The following ASAP1 variants were observed in gnomAD, a reference collection of about 807,000 sequenced individuals.
The protein encoded by ASAP1 is arf-GAP with SH3 domain, ANK repeat and PH domain-containing protein 1.
Under a neutral mutation model 145.2 loss-of-function variants are expected in ASAP1, and 43 were observed. The ratio of observed to expected loss-of-function variants is 0.30; its 90% CI spans 0.23 to 0.38. The LOEUF is 0.38. Among genes scored for constraint, ASAP1 ranks in the 10% least tolerant of loss-of-function variants. The pLI is 1.00. For synonymous variants in ASAP1, 546 were observed against 515.5 expected (o/e 1.06, Z -0.80); for missense variants, 1,018 against 1,355.3 (o/e 0.75, Z 3.91).
rs1481642719 is a variant in ASAP1, at chr8:130,052,124, T to C, written c.*2607A>G. 1.3e-5 allele frequency: 2 copies of C among 152,790 alleles called. No homozygotes were observed. Among genetic ancestry groups the C allele is most frequent in the African/African-American group, 4.8e-5 (2 of 41,586 alleles). The allele number at this position is 152,790 out of a possible 1,614,324, so 9.5% of individuals were successfully genotyped here. ...AGAAGTTTGGGATCAACTGAGAATATGTTTATTTAAAAGCAATTTTAAATA... is the reference window on the plus strand; with the variant it reads ...AGAAGTTTGGGATCAACTGAGAATACGTTTATTTAAAAGCAATTTTAAATA... On this transcript the variant is annotated 3_prime_UTR_variant, in exon 30 of 30. Transcript: ENST00000518721.
At chr8:130,320,393 A>C (rs1002758954) in intron 3 of ASAP1, among the ~76,000 whole-genome samples, 87 of 152,062 alleles carry the variant, frequency 5.7e-4, no homozygotes, top group Admixed American at 4.3e-3. Flanking sequence ...CCATCTCTAT[A>C]AAAAATACAA....
At chr8:130,295,963 A>G (rs1340695418) in intron 3 of ASAP1, among the ~76,000 whole-genome samples, 1 of 152,216 alleles carries the variant, frequency 6.6e-6, no homozygotes, top group Non-Finnish European at 1.5e-5. Context: ...CCTTCCTTTT[A>G]GCACCCAGAA....
chr8:130,297,375 C>T (rs1822350019), intron 3 of ASAP1, among the ~76,000 whole-genome samples: 1 of 152,202 alleles, frequency 6.6e-6, no homozygotes, highest in African/African-American at 2.4e-5. Context: ...TTTCAATCCA[C>T]GTTTGGCTGA....
chr8:130,414,212 T>C (rs11778323), intron 1 of ASAP1, among the ~76,000 whole-genome samples: 36,381 of 152,038 alleles, frequency 0.24, 5,320 homozygotes, highest in Non-Finnish European at 0.32. Flanking sequence ...AGACCTTTCA[T>C]TGGACGAATG....
At chr8:130,284,669 C>T (rs1271543019) in intron 3 of ASAP1, among the ~76,000 whole-genome samples, 1 of 152,010 alleles carries the variant, frequency 6.6e-6, no homozygotes, top group Non-Finnish European at 1.5e-5. Context: ...GATGCAGCCA[C>T]TGGGAGGGAG....
At chr8:130,298,245 A>C (rs1026107022) in intron 3 of ASAP1, among the ~76,000 whole-genome samples, 16 of 152,350 alleles carry the variant, frequency 1.1e-4, no homozygotes, top group South Asian at 4.1e-4. Context: ...CCATATCCAC[A>C]AACATGCTTT....
intron 3 of ASAP1, among the ~76,000 whole-genome samples, chr8:130,355,634 A>C (rs547116819): frequency 6.6e-6 from 1 of 152,294 alleles, no homozygotes. Context: ...TCTTATATTG[A>C]GTGTGGTAAT....
In ASAP1 at chr8:130,060,628, G is replaced by T; in HGVS notation, c.3143C>A (p.Thr1048Lys). The T allele has an allele frequency of 6.2e-7, 1 of 1,614,118 alleles. No individual in the cohort carries two copies. Among genetic ancestry groups the T allele is most frequent in the Non-Finnish European group, 8.5e-7 (1 of 1,179,994 alleles). ...TACGGGCGTCTCTGGCAGAGTAGGC[G>T]TGAGGTCGTTGGAGTCTTCAGATGC... ...KQASEDSNDL[T>K]PTLPETPVPL... Residue 1048 changes from threonine to lysine, a missense_variant, in exon 28 of 30, where the codon ACG becomes AAG. Around this residue, in one of 9 missense-constraint regions of ASAP1, gnomAD observed 139 missense variants for 131.0 expected, o/e 1.06. Coordinates refer to ENST00000518721, the MANE Select transcript of ASAP1 (RefSeq NM_018482.4).
intron 3 of ASAP1, among the ~76,000 whole-genome samples, chr8:130,316,405 C>A: frequency 6.6e-6 from 1 of 152,218 alleles, no homozygotes; most frequent in East Asian, 1.9e-4. Context: ...GTGACAGACA[C>A]TGCTGATGTG....
intron 7 of ASAP1, among the ~76,000 whole-genome samples, chr8:130,184,022 G>C (rs1390562892): frequency 1.3e-5 from 2 of 152,084 alleles, no homozygotes; most frequent in East Asian, 3.8e-4. Flanking sequence ...ATTATTGACA[G>C]GTGTCTGACA....
chr8:130,199,191 T>C (rs954280623), intron 5 of ASAP1, among the ~76,000 whole-genome samples: 4 of 152,234 alleles, frequency 2.6e-5, no homozygotes, highest in African/African-American at 9.6e-5. Context: ...CTTTACTGTC[T>C]AGAGCAAAGC....
chr8:130,380,501 A>T (rs74495335), intron 2 of ASAP1, among the ~76,000 whole-genome samples: 72 of 152,174 alleles, frequency 4.7e-4, no homozygotes, highest in Non-Finnish European at 8.5e-4. Flanking sequence ...ACCCAGGGGG[A>T]GCACCAATGT....
At position 130,244,579 on chromosome 8, in the gene ASAP1, C is replaced by G. The variant is rs1248267616; in HGVS notation, c.187-7585G>C. Among the ~76,000 whole-genome samples the G allele has an allele frequency of 3.3e-5, 5 of 152,242 alleles. No homozygotes were observed. The East Asian group carries it at 9.7e-4, about 29-fold the overall frequency. On this transcript the variant is annotated intron_variant, in intron 3 of 29. Transcript: ENST00000518721. The stretch of plus-strand genomic sequence containing the variant: ...TAGAATTATCTTTCTATGCACTCAT[C>G]CACCCAGCAAACATTTACTAAGCAA...
chr8:130,297,141 A>G (rs561542315), intron 3 of ASAP1, among the ~76,000 whole-genome samples: 17 of 152,338 alleles, frequency 1.1e-4, no homozygotes, highest in African/African-American at 4.1e-4. Context: ...CATAGTTACC[A>G]TCAACTATGG....
At chr8:130,154,747 G>A (rs1024459939) in intron 12 of ASAP1, among the ~76,000 whole-genome samples, 4 of 152,168 alleles carry the variant, frequency 2.6e-5, no homozygotes, top group African/African-American at 9.7e-5. Context: ...CTTCACAGAA[G>A]GAAGTAAGAA....
chr8:130,060,434 T>A (rs1015347200), intron 28 of ASAP1, 145 bp downstream of exon 28: 58 of 1,167,182 alleles, frequency 5.0e-5, no homozygotes, highest in Non-Finnish European at 6.7e-5. Flanking sequence ...CAGGCTCTAA[T>A]CCACCATCAT....
At chr8:130,357,562 G>C (rs1184324846) in intron 3 of ASAP1, among the ~76,000 whole-genome samples, 2 of 152,210 alleles carry the variant, frequency 1.3e-5, no homozygotes, top group Non-Finnish European at 2.9e-5. Flanking sequence ...CCGCAGCTAC[G>C]CCTGCCTGGT....
At chr8:130,339,643 C>T (rs529261821) in intron 3 of ASAP1, among the ~76,000 whole-genome samples, 174 of 152,226 alleles carry the variant, frequency 1.1e-3, no homozygotes, top group Non-Finnish European at 2.2e-3. Flanking sequence ...TTACTTAAAA[C>T]ATAAAACACA....
chr8:130,175,141 T>C (rs1446276657), intron 9 of ASAP1, among the ~76,000 whole-genome samples: 1 of 152,202 alleles, frequency 6.6e-6, no homozygotes, highest in East Asian at 1.9e-4. Flanking sequence ...TGAAGTGCTA[T>C]TTCATTGAGG....
Sources: allele counts gnomAD v4.1 joint callset (sites outside exome capture counted in the v4.1 genomes callset), GRCh38; gene constraint gnomAD v4.1.1; regional missense constraint gnomAD v4.1.1; transcripts MANE v1.5; gene names NCBI Gene and HGNC (gene_info 2026-07-23, HGNC 2026-07-21).